The following IMMP2L variants were observed in gnomAD, a reference collection of about 807,000 sequenced individuals.
IMMP2L encodes inner mitochondrial membrane peptidase subunit 2, also known as mitochondrial inner membrane protease subunit 2.
A neutral mutation model predicts 19.3 loss-of-function variants in IMMP2L; 18 were observed. The ratio of observed to expected loss-of-function variants is 0.93; its 90% CI spans 0.64 to 1.38. IMMP2L has a LOEUF of 1.38. Ranked by LOEUF, IMMP2L falls within the 40% of genes most tolerant of loss-of-function variation. The pLI, the probability that IMMP2L is intolerant of heterozygous loss-of-function variation, is 0.00. For synonymous variants in IMMP2L, 76 were observed against 73.0 expected (o/e 1.04, Z -0.21); for missense variants, 233 against 218.2 (o/e 1.07, Z -0.43).
intron 3 of IMMP2L, among the ~76,000 whole-genome samples, chr7:110,987,635 T>A (rs908508702): frequency 9.2e-5 from 14 of 152,182 alleles, no homozygotes; most frequent in Non-Finnish European, 5.9e-5. Context: ...GAGATGGGTT[T>A]ATTTACTGCA....
intron 3 of IMMP2L, among the ~76,000 whole-genome samples, chr7:111,310,385 A>G (rs1823384686): frequency 6.6e-6 from 1 of 152,004 alleles, no homozygotes; most frequent in Non-Finnish European, 1.5e-5. Flanking sequence ...GGCACATAAG[A>G]TAAGGGAAAC....
chr7:111,081,655 C>T (rs558864356), intron 3 of IMMP2L, among the ~76,000 whole-genome samples: 1 of 152,292 alleles, frequency 6.6e-6, no homozygotes, highest in Admixed American at 6.5e-5. Context: ...TTATTAATTT[C>T]TGCATTTGTG....
chr7:111,448,201 A>T (rs1563204849), intron 3 of IMMP2L, among the ~76,000 whole-genome samples: 3 of 126,488 alleles, frequency 2.4e-5, no homozygotes, highest in Admixed American at 2.3e-4. Flanking sequence ...CTCTGCACCA[A>T]GCGGACCTAA....
At chr7:111,462,593 A>C (rs189860189) in intron 3 of IMMP2L, among the ~76,000 whole-genome samples, 1 of 152,304 alleles carries the variant, frequency 6.6e-6, no homozygotes, top group East Asian at 1.9e-4. Flanking sequence ...ATGTGCAATC[A>C]TCAAATCAGG....
chr7:111,533,902 A>G (rs545462156), intron 1 of IMMP2L, among the ~76,000 whole-genome samples: 4 of 152,166 alleles, frequency 2.6e-5, no homozygotes, highest in African/African-American at 9.6e-5. Context: ...AAAGACAATC[A>G]GCAGGACATA....
chr7:111,091,609 G>A (rs2129577915), intron 3 of IMMP2L: 1 of 152,278 alleles, frequency 6.6e-6, no homozygotes, highest in South Asian at 2.1e-4. Flanking sequence ...CTTCTTGTCT[G>A]AATTCTAAGA....
intron 3 of IMMP2L, among the ~76,000 whole-genome samples, chr7:111,283,814 A>C (rs1820173213): frequency 6.6e-6 from 1 of 151,276 alleles, no homozygotes; most frequent in Admixed American, 6.6e-5. Context: ...TACTAAAAAT[A>C]CAAAAAATTA....
intron 4 of IMMP2L, among the ~76,000 whole-genome samples, chr7:110,903,616 A>G (rs1812139750): frequency 6.6e-6 from 1 of 152,166 alleles, no homozygotes; most frequent in Non-Finnish European, 1.5e-5. Context: ...ATAGTATTCC[A>G]TTGTATGTCT....
intron 3 of IMMP2L, among the ~76,000 whole-genome samples, chr7:111,155,040 G>C (rs1274122665): frequency 6.6e-6 from 1 of 152,086 alleles, no homozygotes; most frequent in East Asian, 1.9e-4. Context: ...TTACAGGCAT[G>C]AGCTACCACA....
intron 2 of IMMP2L, among the ~76,000 whole-genome samples, chr7:111,506,182 G>C (rs1435687366): frequency 6.6e-6 from 1 of 150,388 alleles, no homozygotes; most frequent in Admixed American, 6.6e-5. Flanking sequence ...AACAGAGCAA[G>C]ACCCTGTCTC....
chr7:111,200,841 T>C (rs1025683044), intron 3 of IMMP2L, among the ~76,000 whole-genome samples: 2 of 152,130 alleles, frequency 1.3e-5, no homozygotes, highest in Non-Finnish European at 2.9e-5. Flanking sequence ...TTACAAACAA[T>C]AGGAAGAACC....
At chr7:110,945,463 A>T (rs1413088445) in intron 4 of IMMP2L, among the ~76,000 whole-genome samples, 1 of 151,716 alleles carries the variant, frequency 6.6e-6, no homozygotes, top group African/African-American at 2.4e-5. Context: ...TTTTTGGGAG[A>T]CCTCAAAGGC....
chr7:110,827,704 T>C (rs1056239989), intron 5 of IMMP2L, among the ~76,000 whole-genome samples: 1 of 152,184 alleles, frequency 6.6e-6, no homozygotes, highest in Non-Finnish European at 1.5e-5. Context: ...ACATTTTAAT[T>C]GGACTTGAAG....
intron 5 of IMMP2L, among the ~76,000 whole-genome samples, chr7:110,707,340 A>T (rs1794776822): frequency 1.3e-4 from 1 of 7,666 alleles, no homozygotes; most frequent in Admixed American, 1.2e-3. Context: ...TGAACTCATC[A>T]TTTTTTATGG....
intron 5 of IMMP2L, among the ~76,000 whole-genome samples, chr7:110,838,360 T>C (rs79842924): frequency 0.019 from 2,836 of 152,260 alleles, 84 homozygotes; most frequent in African/African-American, 0.065. Flanking sequence ...TTGTGATGTG[T>C]GCACTCTTCT....
intron 3 of IMMP2L, among the ~76,000 whole-genome samples, chr7:111,323,207 TACAGA>T (rs1336383782): frequency 6.6e-6 from 1 of 151,964 alleles, no homozygotes; most frequent in East Asian, 1.9e-4. Flanking sequence ...TCAGGCAACC[TACAGA>T]ACAGGAGAAA....
intron 2 of IMMP2L, among the ~76,000 whole-genome samples, chr7:111,520,645 A>T (rs1357412190): frequency 6.6e-6 from 1 of 152,150 alleles, no homozygotes; most frequent in Non-Finnish European, 1.5e-5. Flanking sequence ...ATACATATTG[A>T]TAATACAGGA....
At chr7:111,036,081 C>T (rs1563181362) in intron 3 of IMMP2L, among the ~76,000 whole-genome samples, 1 of 152,138 alleles carries the variant, frequency 6.6e-6, no homozygotes, top group Non-Finnish European at 1.5e-5. Flanking sequence ...TATTATTGCT[C>T]ATATTATTCC....
intron 3 of IMMP2L, among the ~76,000 whole-genome samples, chr7:111,116,351 A>C (rs1586378397): frequency 6.6e-6 from 1 of 152,164 alleles, no homozygotes; most frequent in Non-Finnish European, 1.5e-5. Flanking sequence ...TGATAATAAG[A>C]GGATTTTTGC....
Sources: allele counts gnomAD v4.1 joint callset (sites outside exome capture counted in the v4.1 genomes callset), GRCh38; gene constraint gnomAD v4.1.1; transcripts MANE v1.5; gene names NCBI Gene and HGNC (gene_info 2026-07-23, HGNC 2026-07-21).